KLHL5: variants seen among roughly 807,000 people sequenced by gnomAD.
KLHL5 encodes kelch like family member 5, also known as kelch-like protein 5.
In KLHL5, 48 loss-of-function variants were observed where a neutral mutation model predicts 77.7. That is an observed-to-expected ratio of 0.62 (90% confidence interval 0.49 to 0.79). The LOEUF (loss-of-function observed/expected upper bound fraction) is 0.79. Ranked by LOEUF, KLHL5 falls within the 30% of genes least tolerant of loss-of-function variation. KLHL5 has a pLI of 0.00. For missense variants in KLHL5, 723 were observed against 859.7 expected, an observed-to-expected ratio of 0.84 and a Z score of 1.99; for synonymous variants, 260 against 297.0, an observed-to-expected ratio of 0.88 and a Z score of 1.28.
intron 9 of KLHL5, among the ~76,000 whole-genome samples, chr4:39,113,923 G>A (rs923022368): frequency 2.0e-5 from 3 of 152,082 alleles, no homozygotes; most frequent in African/African-American, 7.2e-5. Context: ...AAGGGTTTTG[G>A]ACTATAAAGA....
chr4:39,093,466 C>T (rs1226784344), intron 5 of KLHL5: 1 of 455,142 alleles, frequency 2.2e-6, no homozygotes, highest in Non-Finnish European at 4.4e-6. Context: ...GAATTGTGTA[C>T]TTTGAATGGA....
chr4:39,093,589 G>T (rs1720787666), intron 5 of KLHL5, among the ~76,000 whole-genome samples: 1 of 152,010 alleles, frequency 6.6e-6, no homozygotes, highest in African/African-American at 2.4e-5. Flanking sequence ...CTTTTTCCAG[G>T]AATACTAAAA....
chr4:39,136,550 A>G, the KLHL5 span, among the ~76,000 whole-genome samples: 6 of 150,836 alleles, frequency 4.0e-5, no homozygotes, highest in East Asian at 2.0e-4. Context: ...TGGTGACCCA[A>G]TGTGGGGTAT....
chr4:39,071,399 C>A (rs1718466083), intron 1 of KLHL5, among the ~76,000 whole-genome samples: 1 of 152,084 alleles, frequency 6.6e-6, no homozygotes, highest in South Asian at 2.1e-4. Flanking sequence ...ATTTGTAAAA[C>A]TTCTTTTGAA....
In KLHL5 at chr4:39,081,408, C is replaced by T. The variant is rs1411647837; in HGVS notation, c.703+169C>T. ...TGAATTAAAATTTCCATACTAAAAC[C>T]TTTAAAATGGTTATCATAATTAAGT... On this transcript the variant is annotated intron_variant, in intron 3 of 10. Transcript: ENST00000504108. This position sits in a 1 kb window ranked among gnomAD's most constrained non-coding sequence, Gnocchi z 4.3. 6.6e-6 allele frequency among the ~76,000 whole-genome samples: 1 copy of T among 152,072 alleles called. No homozygotes were observed. The highest frequency in any genetic ancestry group is 1.5e-5 in the Non-Finnish European group (1 of 68,012).
At chr4:39,138,829 A>G in the KLHL5 span, among the ~76,000 whole-genome samples, 1 of 152,234 alleles carries the variant, frequency 6.6e-6, no homozygotes, top group African/African-American at 2.4e-5. Flanking sequence ...ACGCATATAA[A>G]TATAAATAAA....
chr4:39,075,318 C>T (rs963441509), intron 1 of KLHL5, among the ~76,000 whole-genome samples: 16 of 132,448 alleles, frequency 1.2e-4, no homozygotes, highest in African/African-American at 4.7e-4. Context: ...GCAACAAGAG[C>T]GAAATTCCGT....
rs372266517 is a variant in KLHL5, at chr4:39,051,707, GAAA to G, written c.-95+6615_-95+6617del. 2.8e-3 allele frequency among the ~76,000 whole-genome samples: 154 copies of G among 54,462 alleles called. 1 individual carries two copies. The highest frequency in any genetic ancestry group is 2.7e-3 in the Non-Finnish European group (65 of 24,072). 35.7% of individuals were successfully genotyped at this position (54,462 alleles called of 152,430 possible). ...CAGGAGCTGCCTTGGCTTAAAAAAA[GAAA>G]AAACAAACAAACAAACAAACAAACC... On this transcript the variant is annotated intron_variant, in intron 1 of 11. Coordinates refer to the KLHL5 transcript ENST00000261425.
chr4:39,120,693 A>G (rs1426058982), intron 10 of KLHL5, among the ~76,000 whole-genome samples: 1 of 152,230 alleles, frequency 6.6e-6, no homozygotes, highest in African/African-American at 2.4e-5. Context: ...ATTTCTTCAT[A>G]TCCATACTGT....
upstream of KLHL5, among the ~76,000 whole-genome samples, chr4:39,060,021 C>G (rs1717280633): frequency 1.3e-5 from 2 of 152,116 alleles, no homozygotes; most frequent in South Asian, 4.1e-4. Flanking sequence ...TGGCAAAAAC[C>G]CAAAAACCTG....
At chr4:39,131,896 A>G in the KLHL5 span, among the ~76,000 whole-genome samples, 7 of 152,184 alleles carry the variant, frequency 4.6e-5, no homozygotes, top group East Asian at 1.3e-3. Flanking sequence ...TCAAAAAAAA[A>G]AAAAAAAGAA....
rs1441121478 is a variant in KLHL5 at position 39,096,866 on chromosome 4, G to T, written c.1288G>T (p.Asp430Tyr). The T allele has an allele frequency of 6.2e-7, 1 of 1,612,752 alleles. No individual in the cohort carries two copies. Among genetic ancestry groups the T allele is most frequent in the African/African-American group, 1.3e-5 (1 of 74,996 alleles). ...VGTLFAVGGM[D>Y]STKGATSIEK... ...TACATTATTTGCAGTTGGGGGAATG[G>T]ATTCAACAAAAGGTATCAAATAATC... The change falls in exon 6 of 11, where the codon GAT becomes TAT. Residue 430 changes from aspartate (D) to tyrosine (Y), a missense_variant. By Grantham distance (160) the Asp-to-Tyr change is radical (BLOSUM62 -3). Transcript: ENST00000504108.
chr4:39,132,664 C>A, the KLHL5 span, among the ~76,000 whole-genome samples: 1 of 151,856 alleles, frequency 6.6e-6, no homozygotes, highest in Non-Finnish European at 1.5e-5. Flanking sequence ...TTTTCATTGT[C>A]ATTTTCTACC....
At chr4:39,102,576 C>A (rs937081232) in intron 6 of KLHL5, among the ~76,000 whole-genome samples, 5 of 151,924 alleles carry the variant, frequency 3.3e-5, no homozygotes, top group African/African-American at 1.2e-4. Flanking sequence ...TTTCCTGCCT[C>A]CCCACGAACC....
At chr4:39,131,017 AT>A (rs11464461), downstream of KLHL5, among the ~76,000 whole-genome samples, 31,763 of 133,748 alleles carry the variant, frequency 0.24, 3,990 homozygotes, top group African/African-American at 0.37. Flanking sequence ...AAATTTTTGT[AT>A]TTTTTTTTTT....
chr4:39,044,884 T>G, upstream of KLHL5: 1 of 949,650 alleles, frequency 1.1e-6, no homozygotes, highest in Non-Finnish European at 1.3e-6. Flanking sequence ...CCGGGGACTC[T>G]GACCCCCCGG....
chr4:39,048,332 G>A (rs1176372749), intron 1 of KLHL5, among the ~76,000 whole-genome samples: 1 of 152,188 alleles, frequency 6.6e-6, no homozygotes, highest in African/African-American at 2.4e-5. Context: ...CCAAATGATA[G>A]TGCTATACAA....
At chr4:39,068,712 T>C (rs1371136036) in intron 1 of KLHL5, among the ~76,000 whole-genome samples, 1 of 152,232 alleles carries the variant, frequency 6.6e-6, no homozygotes, top group Non-Finnish European at 1.5e-5. Context: ...GCAGAAAACC[T>C]GTCTTTATGC....
the KLHL5 span, among the ~76,000 whole-genome samples, chr4:39,138,550 G>C: frequency 1.3e-5 from 2 of 152,138 alleles, no homozygotes; most frequent in Non-Finnish European, 2.9e-5. Flanking sequence ...GGAGCTAAAT[G>C]ATGAGAACTC....
Sources: allele counts gnomAD v4.1 joint callset (sites outside exome capture counted in the v4.1 genomes callset), GRCh38; gene constraint gnomAD v4.1.1; non-coding constraint Gnocchi (gnomAD v3.1); transcripts MANE v1.5; gene names NCBI Gene and HGNC (gene_info 2026-07-23, HGNC 2026-07-21).